The following MARCHF1 variants were observed in gnomAD, a reference collection of about 807,000 sequenced individuals.
MARCHF1 encodes the protein membrane associated ring-CH-type finger 1, also known as E3 ubiquitin-protein ligase MARCHF1.
In MARCHF1, 40 loss-of-function variants were observed where a neutral mutation model predicts 54.2. That is an observed-to-expected ratio of 0.74 (90% CI 0.57 to 0.96). The LOEUF (loss-of-function observed/expected upper bound fraction) is 0.96, where lower values mean the gene tolerates loss of function less well. Among genes scored for constraint, MARCHF1 ranks in the 40% least tolerant of loss-of-function variants. The pLI is 0.00. For synonymous variants in MARCHF1, 236 were observed against 236.3 expected, an observed-to-expected ratio of 1.00 and a Z score of 0.01; for missense variants, 586 against 656.5, an observed-to-expected ratio of 0.89 and a Z score of 1.17.
chr4:163,624,803 T>C (rs1197212955), intron 5 of MARCHF1, among the ~76,000 whole-genome samples: 1 of 152,232 alleles, frequency 6.6e-6, no homozygotes, highest in African/African-American at 2.4e-5. Context: ...TTTCTTTCAA[T>C]TCAATGCAGT....
chr4:164,294,128 G>A (rs1734353408), intron 1 of MARCHF1, among the ~76,000 whole-genome samples: 1 of 152,154 alleles, frequency 6.6e-6, no homozygotes, highest in Non-Finnish European at 1.5e-5. Context: ...TGGACTCTTG[G>A]ACTTACACAC....
intron 5 of MARCHF1, among the ~76,000 whole-genome samples, chr4:163,679,898 C>A (rs981820175): frequency 7.2e-5 from 11 of 152,022 alleles, no homozygotes; most frequent in African/African-American, 2.2e-4. Context: ...CCGCGCCCGG[C>A]CTTTATCTCC....
chr4:164,322,960 C>T (rs182446826), intron 1 of MARCHF1, among the ~76,000 whole-genome samples: 6 of 151,726 alleles, frequency 4.0e-5, no homozygotes, highest in African/African-American at 9.7e-5. Flanking sequence ...AAAGCAGAAG[C>T]TGACAATTTA....
chr4:164,197,143 T>TCCTCCTCGC, intron 1 of MARCHF1: 2 of 1,606,140 alleles, frequency 1.2e-6, no homozygotes, highest in East Asian at 4.5e-5. Flanking sequence ...TTCCTCCTCC[T>TCCTCCTCGC]CCTCCTCGCC....
chr4:164,317,451 C>A (rs143919759), intron 1 of MARCHF1, among the ~76,000 whole-genome samples: 1 of 152,272 alleles, frequency 6.6e-6, no homozygotes, highest in African/African-American at 2.4e-5. Flanking sequence ...GCTTTCTTCA[C>A]GGTCTGTGCT....
At chr4:164,052,521 C>T (rs1037395552) in intron 2 of MARCHF1, among the ~76,000 whole-genome samples, 4 of 151,448 alleles carry the variant, frequency 2.6e-5, no homozygotes, top group African/African-American at 9.7e-5. Context: ...GACAGAGTGA[C>T]TTCGTCTCAA....
intron 3 of MARCHF1, among the ~76,000 whole-genome samples, chr4:163,901,668 A>C (rs1750943579): frequency 6.6e-6 from 1 of 152,198 alleles, no homozygotes; most frequent in Non-Finnish European, 1.5e-5. Flanking sequence ...CTAGGCAGTA[A>C]AGATTTACAG....
intron 2 of MARCHF1, among the ~76,000 whole-genome samples, chr4:163,992,591 T>C (rs1168615688): frequency 2.6e-5 from 4 of 151,806 alleles, no homozygotes; most frequent in African/African-American, 9.7e-5. Flanking sequence ...CAGGATGCTA[T>C]TTTAAATAAC....
intron 3 of MARCHF1, among the ~76,000 whole-genome samples, chr4:163,946,002 T>TAA (rs11375749): frequency 2.3e-4 from 35 of 150,006 alleles, no homozygotes; most frequent in East Asian, 3.9e-4. Flanking sequence ...TTAGTGCATT[T>TAA]AAAAAAAAAA....
chr4:164,230,028 T>G (rs1487374611), intron 1 of MARCHF1, among the ~76,000 whole-genome samples: 1 of 152,106 alleles, frequency 6.6e-6, no homozygotes, highest in East Asian at 1.9e-4. Context: ...ATCTTCCTAC[T>G]TCAGCCTCTG....
At chr4:163,637,140 A>G (rs1242369037) in intron 5 of MARCHF1, among the ~76,000 whole-genome samples, 1 of 151,788 alleles carries the variant, frequency 6.6e-6, no homozygotes, top group South Asian at 2.1e-4. Flanking sequence ...AACCATAAAA[A>G]CCCTAGAAGA....
At chr4:163,611,002 A>G (rs914992620) in intron 7 of MARCHF1, among the ~76,000 whole-genome samples, 5 of 151,852 alleles carry the variant, frequency 3.3e-5, no homozygotes, top group African/African-American at 1.2e-4. Flanking sequence ...CTTGTCACTT[A>G]CTTAGAGAGT....
At chr4:163,586,339 T>C (rs1740412038) in intron 7 of MARCHF1, among the ~76,000 whole-genome samples, 1 of 152,142 alleles carries the variant, frequency 6.6e-6, no homozygotes, top group African/African-American at 2.4e-5. Flanking sequence ...CCAGGATATC[T>C]CGTTATGTAT....
chr4:164,345,434 T>C (rs1379011678), intron 1 of MARCHF1, among the ~76,000 whole-genome samples: 1 of 151,878 alleles, frequency 6.6e-6, no homozygotes, highest in Non-Finnish European at 1.5e-5. Flanking sequence ...TACCTGGGTG[T>C]AGTGGCGCAT....
intron 2 of MARCHF1, among the ~76,000 whole-genome samples, chr4:164,102,678 C>G (rs1398498303): frequency 6.6e-6 from 1 of 151,652 alleles, no homozygotes; most frequent in Non-Finnish European, 1.5e-5. Context: ...ATGTAAAGAC[C>G]ATCGAGACTA....
At chr4:163,932,694 A>G in intron 3 of MARCHF1, 1 of 514,796 alleles carries the variant, frequency 1.9e-6, no homozygotes, top group Non-Finnish European at 3.8e-6. Flanking sequence ...GTCCACCTGC[A>G]GGGTCATCTT....
chr4:163,758,405 A>G (rs1253051069), intron 4 of MARCHF1, among the ~76,000 whole-genome samples: 1 of 152,196 alleles, frequency 6.6e-6, no homozygotes, highest in Non-Finnish European at 1.5e-5. Context: ...TCAACCAAGG[A>G]CATTCCACTA....
intron 2 of MARCHF1, among the ~76,000 whole-genome samples, chr4:164,002,852 T>C (rs1753212654): frequency 6.6e-6 from 1 of 151,658 alleles, no homozygotes; most frequent in African/African-American, 2.4e-5. Flanking sequence ...AGAAGAAAAA[T>C]AAGAATCCTA....
chr4:164,008,457 A>T (rs1349272397), intron 2 of MARCHF1, among the ~76,000 whole-genome samples: 1 of 152,108 alleles, frequency 6.6e-6, no homozygotes, highest in Non-Finnish European at 1.5e-5. Flanking sequence ...AAACAATGGG[A>T]TAAAACCACA....
Sources: allele counts gnomAD v4.1 joint callset (sites outside exome capture counted in the v4.1 genomes callset), GRCh38; gene constraint gnomAD v4.1.1; transcripts MANE v1.5; gene names NCBI Gene and HGNC (gene_info 2026-07-23, HGNC 2026-07-21).